Variants in MYH15 observed in about 807,000 individuals in gnomAD.
MYH15 encodes the protein myosin heavy chain 15.
In MYH15, 227 loss-of-function variants were observed where a neutral mutation model predicts 240.5. The observed-to-expected ratio is 0.94, with a 90% CI of 0.85 to 1.05. The LOEUF (loss-of-function observed/expected upper bound fraction) is 1.05, where lower values mean the gene tolerates loss of function less well. MYH15 is among the 50% of genes least tolerant of loss of function. The pLI, the probability that MYH15 is intolerant of heterozygous loss-of-function variation, is 0.00. For synonymous variants in MYH15, 785 were observed against 796.7 expected, an observed-to-expected ratio of 0.99 and a Z score of 0.25; for missense variants, 2,217 against 2,247.5, an observed-to-expected ratio of 0.99 and a Z score of 0.27.
chr3:108,456,891 A>T lies in MYH15; in HGVS notation c.2021-8T>A. The T allele has an allele frequency of 6.3e-7, 1 of 1,588,002 alleles. No individual in the cohort carries two copies. Among genetic ancestry groups the T allele is most frequent in the African/African-American group, 1.4e-5 (1 of 73,868 alleles). ...AGTAAGGGTCCAGTATACCTGGAAA[A>T]AAAAAAGAGTCATGGTGGATCTGTG... On this transcript the variant is annotated splice_region_variant and splice_polypyrimidine_tract_variant and intron_variant, in intron 18 of 40. Coordinates refer to ENST00000693548, the MANE Select transcript of MYH15 (RefSeq NM_014981.3).
At chr3:108,437,874 A>G (rs2082854292) in intron 24 of MYH15, among the ~76,000 whole-genome samples, 175 bp from the exon 25 acceptor site, 1 of 152,256 alleles carries the variant, frequency 6.6e-6, no homozygotes, top group South Asian at 2.1e-4. Context: ...ATAGGTTAAC[A>G]AAAGAATCCA....
At chr3:108,517,743 C>G (rs1395441300) in intron 1 of MYH15, among the ~76,000 whole-genome samples, 2 of 152,234 alleles carry the variant, frequency 1.3e-5, no homozygotes, top group African/African-American at 4.8e-5. Flanking sequence ...GCTGGGATTA[C>G]AGGTGTGAGC....
At chr3:108,419,660 G>A (rs1446067032) in intron 28 of MYH15, among the ~76,000 whole-genome samples, 1 of 152,196 alleles carries the variant, frequency 6.6e-6, no homozygotes, top group Non-Finnish European at 1.5e-5. Context: ...TATAAGAAGA[G>A]TCCTATTCAG....
Position 108,476,414 on chromosome 3 carries a change from C to T in MYH15, c.1216G>A (p.Gly406Ser). The part of the protein sequence containing the change: ...IKVGNEYVTR[G>S]QTIEQVTCAV... ...CACCTTACCTGTTCTATAGTTTGACCTCTGGTAACATATTCGTTACCAACT... is the reference window on the plus strand; with the variant it reads ...CACCTTACCTGTTCTATAGTTTGACTTCTGGTAACATATTCGTTACCAACT... Residue 406 changes from glycine to serine, a missense_variant, in exon 12 of 41, where the codon GGT becomes AGT. Transcript: ENST00000693548. The T allele has an allele frequency of 6.2e-7, 1 of 1,600,800 alleles. No homozygotes were observed. Among genetic ancestry groups the T allele is most frequent in the East Asian group, 2.2e-5 (1 of 44,760 alleles).
the MYH15 span, among the ~76,000 whole-genome samples, chr3:108,539,961 T>C: frequency 2.0e-5 from 3 of 152,128 alleles, no homozygotes; most frequent in Admixed American, 2.0e-4. Context: ...GCTAGAATAA[T>C]ACCAAGCCCT....
chr3:108,520,295 T>C (rs2083607734), intron 1 of MYH15, among the ~76,000 whole-genome samples: 1 of 152,222 alleles, frequency 6.6e-6, no homozygotes, highest in African/African-American at 2.4e-5. Context: ...TTTTGTTTCG[T>C]ATAACAACCC....
intron 1 of MYH15, among the ~76,000 whole-genome samples, chr3:108,519,601 G>A (rs1294046940): frequency 2.0e-5 from 3 of 152,052 alleles, no homozygotes; most frequent in African/African-American, 7.2e-5. Flanking sequence ...TAAGATCGAG[G>A]GCTATACTTT....
chr3:108,498,124 C>G lies in MYH15; in HGVS notation c.546G>C (p.Lys182Asn), dbSNP rs757788759. The G allele has an allele frequency of 6.2e-7, 1 of 1,614,056 alleles. No homozygotes were observed. Among genetic ancestry groups the G allele is most frequent in the East Asian group, 2.2e-5 (1 of 44,872 alleles). The change falls in exon 6 of 41, where the codon AAG becomes AAC. Residue 182 changes from lysine (K) to asparagine (N), a missense_variant. Transcript: ENST00000693548. ...GGATAATATGTTTGCTGTTCACAGTCTTTCCAGCACCAGATTCTCCTCTGT... is the reference window on the plus strand; with the variant it reads ...GGATAATATGTTTGCTGTTCACAGTGTTTCCAGCACCAGATTCTCCTCTGT... ...ILFTGESGAG[K>N]TVNSKHIIQY... is the part of the protein sequence containing the mutation.
chr3:108,526,693 T>A (rs1410388697), intron 1 of MYH15, among the ~76,000 whole-genome samples: 1 of 152,184 alleles, frequency 6.6e-6, no homozygotes, highest in Non-Finnish European at 1.5e-5. Context: ...TAACACTTAC[T>A]ACTTGCCATC....
At chr3:108,529,430 G>A (rs1193815362), upstream of MYH15, 10 of 581,394 alleles carry the variant, frequency 1.7e-5, no homozygotes, top group East Asian at 3.1e-4. Flanking sequence ...GATATATTTA[G>A]TCATTGTGCT....
chr3:108,536,839 G>A, the MYH15 span, among the ~76,000 whole-genome samples: 1 of 152,160 alleles, frequency 6.6e-6, no homozygotes, highest in African/African-American at 2.4e-5. Context: ...TAACTTATTG[G>A]CCTGGCAAAA....
chr3:108,504,120 G>C (rs951214862), intron 2 of MYH15, among the ~76,000 whole-genome samples: 9 of 152,190 alleles, frequency 5.9e-5, no homozygotes, highest in African/African-American at 1.9e-4. Flanking sequence ...TTAGAAAGTA[G>C]ATCAGTGATT....
intron 39 of MYH15, 38 bp downstream of exon 39, chr3:108,384,649 G>T: frequency 6.4e-7 from 1 of 1,565,620 alleles, no homozygotes; most frequent in Middle Eastern, 1.7e-4. Flanking sequence ...AAACAACACT[G>T]GGAAATCCAT....
At chr3:108,421,316 C>T (rs1316732148) in intron 27 of MYH15, 102 bp from the exon 28 acceptor site, 17 of 1,354,140 alleles carry the variant, frequency 1.3e-5, no homozygotes, top group Non-Finnish European at 1.6e-5. Context: ...TCCGCATGCT[C>T]TCTTCTGTAG....
chr3:108,451,111 G>A (rs991355817), intron 21 of MYH15, among the ~76,000 whole-genome samples: 3 of 152,198 alleles, frequency 2.0e-5, no homozygotes, highest in African/African-American at 4.8e-5. Context: ...CAGGTACAGT[G>A]GCTCATGCCT....
At chr3:108,498,013 G>A (rs2083405777) in intron 6 of MYH15, 39 bp downstream of exon 6, 24 of 1,564,614 alleles carry the variant, frequency 1.5e-5, no homozygotes, top group Non-Finnish European at 2.1e-5. Flanking sequence ...AGTGGATAGG[G>A]CCACCTCATC....
chr3:108,516,190 G>C (rs1205747002), intron 1 of MYH15, among the ~76,000 whole-genome samples: 4 of 152,128 alleles, frequency 2.6e-5, no homozygotes, highest in Admixed American at 2.6e-4. Flanking sequence ...CATCATAATT[G>C]ATTAGATTCG....
Position 108,475,119 on chromosome 3 carries a change from C to G in MYH15, c.1233+1278G>C, listed in dbSNP as rs567727522. On this transcript the variant is annotated intron_variant, in intron 12 of 40. Coordinates refer to ENST00000693548, the MANE Select transcript of MYH15 (RefSeq NM_014981.3). ...CCTTAATATACCAAGGGAAACACAT[C>G]TATTCTAGTCATCATATATAAGATG... Among the ~76,000 whole-genome samples the G allele has an allele frequency of 6.6e-5, 10 of 152,256 alleles. No individual in the cohort carries two copies. The South Asian group carries it at 2.1e-3, about 32-fold the overall frequency.
At chr3:108,550,298 A>G in the MYH15 span, 2 of 151,592 alleles carry the variant, frequency 1.3e-5, no homozygotes, top group Admixed American at 1.3e-4. Context: ...ATTAAATACA[A>G]TTCATATCAG....
Sources: gnomAD v4.1 joint callset for allele counts (sites outside exome capture counted in the v4.1 genomes callset) on GRCh38, gnomAD v4.1.1 for gene constraint, MANE v1.5 for transcripts, NCBI Gene and HGNC (gene_info 2026-07-23, HGNC 2026-07-21) for gene names.